The following NSG1 variants were observed in gnomAD, a reference collection of about 807,000 sequenced individuals.
NSG1 encodes the protein neuronal vesicle trafficking-associated protein 1.
A neutral mutation model predicts 19.3 loss-of-function variants in NSG1; 9 were observed. The ratio of observed to expected loss-of-function variants is 0.47; its 90% CI spans 0.28 to 0.81. The LOEUF is 0.81. Ranked by LOEUF, NSG1 falls within the 40% of genes least tolerant of loss-of-function variation. NSG1 has a pLI of 0.11. For synonymous variants in NSG1, 104 were observed against 107.0 expected (o/e 0.97, Z 0.17); for missense variants, 236 against 242.4 (o/e 0.97, Z 0.18).
At chr4:4,396,421 G>A (rs1455752366) in intron 3 of NSG1, among the ~76,000 whole-genome samples, 2 of 152,218 alleles carry the variant, frequency 1.3e-5, no homozygotes, top group Non-Finnish European at 2.9e-5. Flanking sequence ...AGGTTTGGGT[G>A]GTCCAGCCTT....
rs6835974 is a variant in NSG1, at chr4:4,416,025, G to T, written c.358-1210G>T. 6.3e-3 allele frequency: 4,376 copies of T among 695,716 alleles called. 129 individuals carry two copies. The African/African-American group carries it at 0.067, about 11-fold the overall frequency. The allele number at this position is 695,716 out of a possible 1,614,324, so 43.1% of individuals were successfully genotyped here. On this transcript the variant is annotated intron_variant, in intron 4 of 4. Transcript: ENST00000621129. ...TTGATAAAAGGGCTGTACTTCAGTG[G>T]TGTCTTTTGGCTTTCTTTTCTGTCC... is the stretch of plus-strand genomic sequence containing the variant.
chr4:4,412,984 T>A (rs1462323769), intron 4 of NSG1, among the ~76,000 whole-genome samples: 1 of 152,130 alleles, frequency 6.6e-6, no homozygotes, highest in African/African-American at 2.4e-5. Flanking sequence ...ATTCACGTTG[T>A]CCAGCCCAAG....
At chr4:4,392,558 A>C (rs1723051303) in intron 3 of NSG1, among the ~76,000 whole-genome samples, 1 of 152,160 alleles carries the variant, frequency 6.6e-6, no homozygotes, top group Non-Finnish European at 1.5e-5. Flanking sequence ...AACCTTGTGG[A>C]TCACAGAAGG....
intron 3 of NSG1, among the ~76,000 whole-genome samples, chr4:4,408,167 G>C (rs77516017): frequency 0.013 from 1,938 of 152,254 alleles, 42 homozygotes; most frequent in African/African-American, 0.044. Flanking sequence ...CTGCTGGAGG[G>C]TCTACCCAGT....
intron 3 of NSG1, among the ~76,000 whole-genome samples, chr4:4,404,713 A>G (rs1048715845): frequency 3.9e-5 from 6 of 152,218 alleles, no homozygotes; most frequent in Admixed American, 6.5e-5. Context: ...TCTTCTAAGT[A>G]TCTCATGGGG....
At chr4:4,389,093 G>T (rs972928686) in intron 2 of NSG1, among the ~76,000 whole-genome samples, 8 of 152,254 alleles carry the variant, frequency 5.3e-5, no homozygotes, top group Admixed American at 3.9e-4. Context: ...CTCGGCTGAG[G>T]AGCAGTGGCG....
chr4:4,404,325 G>A (rs28625837), intron 3 of NSG1, among the ~76,000 whole-genome samples: 5,310 of 152,276 alleles, frequency 0.035, 288 homozygotes, highest in African/African-American at 0.12. Context: ...GGGTAACAAT[G>A]GCTCACCCAG....
chr4:4,411,842 T>C (rs1724221853), intron 4 of NSG1, among the ~76,000 whole-genome samples: 1 of 149,224 alleles, frequency 6.7e-6, no homozygotes, highest in South Asian at 2.1e-4. Flanking sequence ...GAAGCTCTTT[T>C]AGAGTTAACT....
At chr4:4,407,857 C>A (rs1723950039) in intron 3 of NSG1, among the ~76,000 whole-genome samples, 1 of 152,120 alleles carries the variant, frequency 6.6e-6, no homozygotes, top group Non-Finnish European at 1.5e-5. Context: ...TGCAGAGCTG[C>A]AGGCAGAATC....
chr4:4,415,789 G>T, intron 4 of NSG1: 1 of 317,396 alleles, frequency 3.2e-6, no homozygotes, highest in Non-Finnish European at 5.9e-6. Context: ...TGGGAGGGAA[G>T]AGGGGAACCC....
At chr4:4,397,770 T>C (rs909549845) in intron 3 of NSG1, among the ~76,000 whole-genome samples, 4 of 152,168 alleles carry the variant, frequency 2.6e-5, no homozygotes, top group African/African-American at 9.7e-5. Context: ...CCACTCGTTA[T>C]AAACGCACCC....
rs1425125025 is a variant in NSG1 at position 4,409,621 on chromosome 4, TTCCTGGTTGTCTACAAG to T, written c.296_312del (p.Phe99CysfsTer5). On this transcript the variant is annotated frameshift_variant, in exon 4 of 5. Coordinates refer to ENST00000621129, the MANE Select transcript of NSG1 (RefSeq NM_014392.5). LOFTEE classifies it high-confidence loss of function. Reference sequence around the variant, plus strand: ...CCTGGCCTTCCTCACCTGCGTCGTCTTCCTGGTTGTCTACAAGGTGTACAAGTATGACCGCGCCTGCC... The same window carrying T: ...CCTGGCCTTCCTCACCTGCGTCGTCTGTGTACAAGTATGACCGCGCCTGCC... 2 of 1,614,068 alleles carry T rather than the reference TTCCTGGTTGTCTACAAG, an allele frequency of 1.2e-6. No homozygotes were observed. Among genetic ancestry groups the T allele is most frequent in the African/African-American group, 2.7e-5 (2 of 74,914 alleles).
chr4:4,399,315 A>G (rs1181289186), intron 3 of NSG1, among the ~76,000 whole-genome samples: 1 of 151,724 alleles, frequency 6.6e-6, no homozygotes, highest in Admixed American at 6.6e-5. Flanking sequence ...GCTAATTTTC[A>G]TATTTTTTGT....
intron 3 of NSG1, 64 bp from the exon 4 acceptor site, chr4:4,409,509 G>C: frequency 8.3e-7 from 1 of 1,205,738 alleles, no homozygotes; most frequent in Non-Finnish European, 1.2e-6. Flanking sequence ...CTTCGTGTGC[G>C]GGTGTGTGTG....
chr4:4,398,915 G>A (rs1723405654), intron 3 of NSG1, among the ~76,000 whole-genome samples: 1 of 152,012 alleles, frequency 6.6e-6, no homozygotes, highest in Non-Finnish European at 1.5e-5. Flanking sequence ...AATGCACAAT[G>A]GTTTCAATTT....
At chr4:4,417,040 A>G (rs571832821) in intron 4 of NSG1, among the ~76,000 whole-genome samples, 195 bp from the exon 5 acceptor site, 3 of 152,264 alleles carry the variant, frequency 2.0e-5, no homozygotes, top group African/African-American at 7.2e-5. Context: ...CAGCCAGTCT[A>G]TTAAGAATAA....
intron 4 of NSG1, among the ~76,000 whole-genome samples, chr4:4,413,278 G>A (rs1724318702): frequency 6.6e-6 from 1 of 151,922 alleles, no homozygotes; most frequent in African/African-American, 2.4e-5. Context: ...GTGGGCGGTA[G>A]TTTCTAGAAG....
intron 3 of NSG1, among the ~76,000 whole-genome samples, chr4:4,392,581 C>G (rs1723052336): frequency 1.3e-5 from 2 of 152,162 alleles, no homozygotes; most frequent in South Asian, 4.1e-4. Flanking sequence ...GGACTGGGAG[C>G]CATCCCTGGT....
At chr4:4,390,659 C>T (rs1021861153) in intron 2 of NSG1, among the ~76,000 whole-genome samples, 1 of 152,184 alleles carries the variant, frequency 6.6e-6, no homozygotes, top group Non-Finnish European at 1.5e-5. Flanking sequence ...ACCTATAACA[C>T]CTTGACCCTG....
Sources: gnomAD v4.1 joint callset for allele counts (sites outside exome capture counted in the v4.1 genomes callset) on GRCh38, gnomAD v4.1.1 for gene constraint, MANE v1.5 for transcripts, NCBI Gene and HGNC (gene_info 2026-07-23, HGNC 2026-07-21) for gene names.